ARHGEF1: variants seen among roughly 807,000 people sequenced by gnomAD.
ARHGEF1 encodes Rho guanine nucleotide exchange factor 1, also known as 115 kDa guanine nucleotide exchange factor.
A neutral mutation model predicts 119.7 loss-of-function variants in ARHGEF1; 40 were observed. That is an observed-to-expected ratio of 0.33 (90% CI 0.26 to 0.44). ARHGEF1 has a LOEUF of 0.44. Among genes scored for constraint, ARHGEF1 ranks in the 20% least tolerant of loss-of-function variants. The pLI, the probability that ARHGEF1 is intolerant of heterozygous loss-of-function variation, is 1.00. For synonymous variants in ARHGEF1, 494 were observed against 521.0 expected (o/e 0.95, Z 0.71); for missense variants, 976 against 1,268.3 (o/e 0.77, Z 3.50).
In ARHGEF1 at chr19:41,903,026, T is replaced by C; in HGVS notation, c.1738+128T>C. 2.5e-6 allele frequency: 2 copies of C among 804,340 alleles called. No homozygotes were observed. The highest frequency in any genetic ancestry group is 3.8e-6 in the Non-Finnish European group (2 of 522,764). The allele number at this position is 804,340 out of a possible 1,614,324, so 49.8% of individuals were successfully genotyped here. A position where few individuals can be genotyped will look rare whatever the true frequency, so the allele number is the denominator to read the frequency against. On this transcript the variant is annotated intron_variant, in intron 18 of 28. Transcript: ENST00000354532. This position sits in a 1 kb window ranked among gnomAD's most constrained non-coding sequence, Gnocchi z 4.2. ...CTCAACCTCCCAGGATCTACCATCC[T>C]CCCACCTCAGCTCCCCAAGTAGCTG... is the stretch of plus-strand genomic sequence containing the variant.
intron 1 of ARHGEF1, among the ~76,000 whole-genome samples, chr19:41,926,470 C>T (rs1157776523): frequency 6.6e-6 from 1 of 152,072 alleles, no homozygotes; most frequent in Non-Finnish European, 1.5e-5. Flanking sequence ...TTACCTGAGG[C>T]CACAGGTGGG....
chr19:41,896,794 C>G, intron 13 of ARHGEF1: 1 of 477,224 alleles, frequency 2.1e-6, no homozygotes, highest in Non-Finnish European at 4.0e-6. Flanking sequence ...ATTTCCCCCT[C>G]CTCTCTCACC....
chr19:41,897,372 A>G, intron 13 of ARHGEF1: 1 of 1,113,120 alleles, frequency 9.0e-7, no homozygotes, highest in South Asian at 1.6e-5. Flanking sequence ...CCCCTCCCCC[A>G]TTTCTCCCAG....
chr19:41,922,261 T>G (rs1247605070), upstream of ARHGEF1, among the ~76,000 whole-genome samples: 1 of 151,414 alleles, frequency 6.6e-6, no homozygotes. Flanking sequence ...TATGTTGAGG[T>G]GGAATCCAGA....
Position 41,888,885 on chromosome 19 carries a change from G to T in ARHGEF1, c.225+20G>T. On this transcript the variant is annotated intron_variant, in intron 4 of 28. Transcript: ENST00000354532. The surrounding 1 kb of genome is among the most constrained non-coding windows in gnomAD (Gnocchi z 5.1). Reference sequence around the variant, plus strand: ...CCCCTGGTGAGGGCAGGGCTGGGTGGGCACAGGGAGGGGTGGGGCTGGGAC... The same window carrying T: ...CCCCTGGTGAGGGCAGGGCTGGGTGTGCACAGGGAGGGGTGGGGCTGGGAC... 1 of 1,593,056 alleles carries T rather than the reference G, an allele frequency of 6.3e-7. No homozygotes were observed. The highest frequency in any genetic ancestry group is 1.1e-5 in the South Asian group (1 of 90,296).
intron 13 of ARHGEF1, chr19:41,897,178 C>T (rs1555847976): frequency 1.2e-5 from 10 of 840,336 alleles, no homozygotes; most frequent in Non-Finnish European, 1.7e-5. Context: ...GGGGCCCTGT[C>T]CCCCTTACAG....
rs782756459 is a variant in ARHGEF1, at chr19:41,906,410, C to T, written c.2492-47C>T. Reference sequence around the variant, plus strand: ...TGGAATCCCCCATCCCAGATCCCAGCCCAGCCCCCTGGTCTCCTGACTCCA... The same window carrying T: ...TGGAATCCCCCATCCCAGATCCCAGTCCAGCCCCCTGGTCTCCTGACTCCA... On this transcript the variant is annotated intron_variant, in intron 26 of 28. Coordinates refer to ENST00000354532, the MANE Select transcript of ARHGEF1 (RefSeq NM_004706.4). The surrounding 1 kb of genome is among the most constrained non-coding windows in gnomAD (Gnocchi z 4.5). The T allele has an allele frequency of 2.0e-6, 3 of 1,513,718 alleles. No individual in the cohort carries two copies. In the Admixed American group the frequency reaches 7.1e-5, roughly 36 times the overall value. The allele number at this position is 1,513,718 out of a possible 1,614,324, so 93.8% of individuals were successfully genotyped here. A position where few individuals can be genotyped will look rare whatever the true frequency, so the allele number is the denominator to read the frequency against.
At chr19:41,923,288 C>T (rs2074852474) in intron 1 of ARHGEF1, 1 of 401,338 alleles carries the variant, frequency 2.5e-6, no homozygotes, top group Non-Finnish European at 5.0e-6. Context: ...AGAGCAAGGG[C>T]CAGAGACAGA....
At chr19:41,897,711 G>A in intron 13 of ARHGEF1, 1 of 440,982 alleles carries the variant, frequency 2.3e-6, no homozygotes, top group Non-Finnish European at 3.9e-6. Context: ...CCTTGCCCCG[G>A]TCCTGGTCTC....
Position 41,902,313 on chromosome 19 carries a change from G to A in ARHGEF1, c.1454G>A (p.Ser485Asn), listed in dbSNP as rs1555849173. 1 of 1,614,062 alleles carries A rather than the reference G, an allele frequency of 6.2e-7. No individual in the cohort carries two copies. Among genetic ancestry groups the A allele is most frequent in the East Asian group, 2.2e-5 (1 of 44,888 alleles). Residue 485 changes from serine (S) to asparagine (N), a missense_variant, in exon 16 of 29, where the codon AGT becomes AAT. This residue lies in a region of ARHGEF1 where 286 missense variants were observed against 506.8 expected (regional missense o/e 0.56). Coordinates refer to ENST00000354532, the MANE Select transcript of ARHGEF1 (RefSeq NM_004706.4). This position sits in a 1 kb window ranked among gnomAD's most constrained non-coding sequence, Gnocchi z 6.5. ...CGCCTGATGAAGCGGAGGCAGGAGAGTGGCTACCTCATCGAGGAGATCGGA... is the reference window on the plus strand; with the variant it reads ...CGCCTGATGAAGCGGAGGCAGGAGAATGGCTACCTCATCGAGGAGATCGGA... Reference protein sequence around the residue: ...LDRLMKRRQESGYLIEEIGDV... With the variant: ...LDRLMKRRQENGYLIEEIGDV...
chr19:41,906,814 C>T lies in ARHGEF1; in HGVS notation c.*17+11C>T, dbSNP rs2074706191. On this transcript the variant is annotated intron_variant, in intron 28 of 28. Coordinates refer to ENST00000354532, the MANE Select transcript of ARHGEF1 (RefSeq NM_004706.4). The surrounding 1 kb of genome is among the most constrained non-coding windows in gnomAD (Gnocchi z 4.5). ...TTCCCGCCCAGGAAGGTGAGTGGGGCACCTGGGGGCCAGGGCGCTGTCCTG... is the reference window on the plus strand; with the variant it reads ...TTCCCGCCCAGGAAGGTGAGTGGGGTACCTGGGGGCCAGGGCGCTGTCCTG... The T allele has an allele frequency of 6.3e-7, 1 of 1,594,572 alleles. No homozygotes were observed. The highest frequency in any genetic ancestry group is 8.6e-7 in the Non-Finnish European group (1 of 1,169,030).
chr19:41,896,312 C>G, intron 12 of ARHGEF1, 65 bp from the exon 13 acceptor site: 6 of 847,200 alleles, frequency 7.1e-6, no homozygotes, highest in Non-Finnish European at 1.0e-5. Context: ...AATTCCAGGC[C>G]CCCAGAGTGT....
At chr19:41,910,216 G>T (rs535773308), downstream of ARHGEF1, 164 of 1,014,836 alleles carry the variant, frequency 1.6e-4, 1 homozygote, top group South Asian at 2.2e-3. The surrounding 1 kb of genome is among the most constrained non-coding windows in gnomAD (Gnocchi z 4.4). Flanking sequence ...GGCATCTTTA[G>T]GGACCTGGTT....
upstream of ARHGEF1, among the ~76,000 whole-genome samples, chr19:41,918,644 C>T (rs960577562): frequency 1.3e-5 from 2 of 150,060 alleles, no homozygotes; most frequent in South Asian, 4.3e-4. Context: ...TCACATACAC[C>T]ACACACAGTA....
intron 12 of ARHGEF1, 125 bp downstream of exon 12, chr19:41,895,611 C>T (rs1568816198): frequency 1.1e-5 from 11 of 1,030,408 alleles, no homozygotes; most frequent in Admixed American, 2.7e-5. Flanking sequence ...CTCTCAGCAT[C>T]CACTTCTCCC....
chr19:41,894,924 G>A (rs2074455310), intron 11 of ARHGEF1, among the ~76,000 whole-genome samples: 1 of 111,286 alleles, frequency 9.0e-6, no homozygotes, highest in Non-Finnish European at 1.5e-5. Context: ...GGGAGGAGGG[G>A]CTGGGGGAGC....
chr19:41,902,779 C>T lies in ARHGEF1; in HGVS notation c.1624-5C>T, dbSNP rs375530159. The T allele has an allele frequency of 2.8e-5, 45 of 1,613,092 alleles. No homozygotes were observed. The highest frequency in any genetic ancestry group is 5.5e-5 in the South Asian group (5 of 91,062). On this transcript the variant is annotated splice_polypyrimidine_tract_variant and splice_region_variant and intron_variant, in intron 17 of 28. Transcript: ENST00000354532. The surrounding 1 kb of genome is among the most constrained non-coding windows in gnomAD (Gnocchi z 6.5). ...GCCATCGCAACACCAGCATGTTTCCCGCAGGAAGCTGAGAGCCGCCCGCGG... is the reference window on the plus strand; with the variant it reads ...GCCATCGCAACACCAGCATGTTTCCTGCAGGAAGCTGAGAGCCGCCCGCGG...
At position 41,905,197 on chromosome 19, in the gene ARHGEF1, A is replaced by T; in HGVS notation, c.2272A>T (p.Thr758Ser). 6.2e-7 allele frequency: 1 copy of T among 1,613,998 alleles called. No individual in the cohort carries two copies. The highest frequency in any genetic ancestry group is 1.1e-5 in the South Asian group (1 of 91,082). ...CAGCTGGTGTGCTCTCATCACTGAG[A>T]CTGCCGGATCCCTGAAAGTCCCTGC... is the stretch of plus-strand genomic sequence containing the variant. ...RKNWCALITE[T>S]AGSLKVPAPA... Residue 758 changes from threonine (T) to serine (S), a missense_variant, in exon 24 of 29, where the codon ACT becomes TCT. Thr to Ser is a moderately conservative substitution (Grantham distance 58). Coordinates refer to ENST00000354532, the MANE Select transcript of ARHGEF1 (RefSeq NM_004706.4). This position sits in a 1 kb window ranked among gnomAD's most constrained non-coding sequence, Gnocchi z 6.4.
At chr19:41,898,720 C>A in intron 14 of ARHGEF1, 133 bp downstream of exon 14, 2 of 1,179,726 alleles carry the variant, frequency 1.7e-6, no homozygotes, top group Non-Finnish European at 2.3e-6. Context: ...GCTTCAAATT[C>A]CCTCTTGTTC....
Sources: allele counts gnomAD v4.1 joint callset (sites outside exome capture counted in the v4.1 genomes callset), GRCh38; gene constraint gnomAD v4.1.1; regional missense constraint gnomAD v4.1.1; non-coding constraint Gnocchi (gnomAD v3.1); transcripts MANE v1.5; gene names NCBI Gene and HGNC (gene_info 2026-07-23, HGNC 2026-07-21).